The following GBE1 variants were observed in gnomAD, a reference collection of about 807,000 sequenced individuals.
GBE1 encodes the protein 1,4-alpha-glucan-branching enzyme.
A neutral mutation model predicts 88.8 loss-of-function variants in GBE1; 70 were observed. The observed-to-expected ratio is 0.79, with a 90% CI of 0.65 to 0.96. The LOEUF (loss-of-function observed/expected upper bound fraction) is 0.96. Among genes scored for constraint, GBE1 ranks in the 40% least tolerant of loss-of-function variants. The pLI is 0.00. For synonymous variants in GBE1, 284 were observed against 300.1 expected, an observed-to-expected ratio of 0.95 and a Z score of 0.56; for missense variants, 872 against 871.0, an observed-to-expected ratio of 1.00 and a Z score of -0.01.
intron 1 of GBE1, among the ~76,000 whole-genome samples, chr3:81,725,228 T>C (rs1296555514): frequency 3.3e-5 from 5 of 152,172 alleles, no homozygotes; most frequent in African/African-American, 9.7e-5. Context: ...CTTTTTAATT[T>C]TTTCTTAACT....
chr3:81,624,751 C>T (rs1281045675), intron 7 of GBE1, among the ~76,000 whole-genome samples: 1 of 152,056 alleles, frequency 6.6e-6, no homozygotes, highest in East Asian at 1.9e-4. Flanking sequence ...AACTTAAAAA[C>T]ACACACAATA....
At chr3:81,749,515 T>C (rs1450854568) in intron 1 of GBE1, among the ~76,000 whole-genome samples, 2 of 152,202 alleles carry the variant, frequency 1.3e-5, no homozygotes, top group Non-Finnish European at 2.9e-5. Flanking sequence ...TCCTTCGTAG[T>C]GATGTAACAG....
chr3:81,652,728 TTC>T (rs1238797201), intron 3 of GBE1, among the ~76,000 whole-genome samples: 2 of 152,358 alleles, frequency 1.3e-5, no homozygotes, highest in East Asian at 1.9e-4. Context: ...GCTTTTCACT[TTC>T]TGTTTCTAAA....
intron 1 of GBE1, among the ~76,000 whole-genome samples, chr3:81,753,171 T>C (rs1027056686): frequency 6.6e-6 from 1 of 152,196 alleles, no homozygotes; most frequent in South Asian, 2.1e-4. Flanking sequence ...AAACTCTACA[T>C]AATCATGTGT....
chr3:81,700,510 C>A (rs949106922), intron 2 of GBE1, among the ~76,000 whole-genome samples: 1 of 151,840 alleles, frequency 6.6e-6, no homozygotes, highest in Non-Finnish European at 1.5e-5. Flanking sequence ...ATAAAATGAC[C>A]CTGCCAAATT....
rs1007825274 is a variant in GBE1 at position 81,749,203 on chromosome 3, C to T, written c.143+12172G>A. ...AAAAACTGGGAACAATCCAAATGTCCTTCAACAGGTTAATAAACAAACTGG... is the reference window on the plus strand; with the variant it reads ...AAAAACTGGGAACAATCCAAATGTCTTTCAACAGGTTAATAAACAAACTGG... On this transcript the variant is annotated intron_variant, in intron 1 of 15. Transcript: ENST00000429644. 5.3e-5 allele frequency among the ~76,000 whole-genome samples: 8 copies of T among 151,964 alleles called. No homozygotes were observed. The South Asian group carries it at 1.5e-3, about 28-fold the overall frequency.
At chr3:81,722,868 G>A (rs968505400) in intron 1 of GBE1, among the ~76,000 whole-genome samples, 13 of 143,484 alleles carry the variant, frequency 9.1e-5, no homozygotes, top group African/African-American at 3.1e-4. Context: ...GTATGTGCAT[G>A]GGCACACACA....
rs1704206880 is a variant in GBE1 at position 81,613,321 on chromosome 3, T to C, written c.993-19298A>G. On this transcript the variant is annotated intron_variant, in intron 7 of 15. Transcript: ENST00000429644. ...TTTTTATCCCTTCCTGTCTGAACTA[T>C]ATGGAATCAACACCCCCAAGCTCTG... Among the ~76,000 whole-genome samples, 3 of 152,116 alleles carry C rather than the reference T, an allele frequency of 2.0e-5. No individual in the cohort carries two copies. In the South Asian group the frequency reaches 6.2e-4, roughly 32 times the overall value.
intron 12 of GBE1, among the ~76,000 whole-genome samples, chr3:81,548,177 T>C (rs1703232688): frequency 6.6e-6 from 1 of 151,556 alleles, no homozygotes; most frequent in African/African-American, 2.4e-5. Flanking sequence ...GGAATTTGGC[T>C]CAAAACAGGT....
At chr3:81,516,058 T>C (rs1702794875) in intron 14 of GBE1, among the ~76,000 whole-genome samples, 1 of 151,686 alleles carries the variant, frequency 6.6e-6, no homozygotes, top group African/African-American at 2.4e-5. Flanking sequence ...CCAGAAGATC[T>C]AGCTAGGATA....
intron 15 of GBE1, among the ~76,000 whole-genome samples, chr3:81,497,936 T>G (rs1021797079): frequency 3.9e-5 from 6 of 152,348 alleles, no homozygotes; most frequent in Middle Eastern, 6.8e-3. Context: ...ACAGTAATAA[T>G]TCCTTTAAGA....
At chr3:81,578,887 TAGAAA>T (rs1387558666) in intron 11 of GBE1, among the ~76,000 whole-genome samples, 2 of 152,234 alleles carry the variant, frequency 1.3e-5, no homozygotes, top group East Asian at 3.9e-4. Flanking sequence ...TTTCATTTTC[TAGAAA>T]AGAAATTTGT....
At position 81,536,880 on chromosome 3, in the gene GBE1, TAAA is replaced by T; in HGVS notation, c.1803+28_1803+30del. The T allele has an allele frequency of 2.6e-6, 4 of 1,538,866 alleles. No individual in the cohort carries two copies. The Admixed American group carries it at 8.8e-5, about 34-fold the overall frequency. ...TCTAGGCATGTACCTCATTGGTGAC[TAAA>T]ACACAGCATCCAGAGTGAAGAGCTT... On this transcript the variant is annotated intron_variant, in intron 13 of 15. Coordinates refer to ENST00000429644, the MANE Select transcript of GBE1 (RefSeq NM_000158.4).
At chr3:81,738,960 G>A (rs1332209567) in intron 1 of GBE1, among the ~76,000 whole-genome samples, 1 of 152,126 alleles carries the variant, frequency 6.6e-6, no homozygotes, top group Admixed American at 6.6e-5. Flanking sequence ...CAAGATCAAG[G>A]TGCCAGCAGG....
intron 1 of GBE1, among the ~76,000 whole-genome samples, chr3:81,754,946 C>T (rs1025384854): frequency 7.2e-5 from 11 of 152,042 alleles, no homozygotes; most frequent in African/African-American, 2.7e-4. Context: ...AAGACCTTAA[C>T]ATAGGCTATC....
intron 1 of GBE1, among the ~76,000 whole-genome samples, chr3:81,737,375 AT>A (rs1158498662): frequency 2.3e-4 from 8 of 35,004 alleles, no homozygotes; most frequent in Admixed American, 9.9e-4. Context: ...ATTTATATAT[AT>A]TTTTATATAT....
intron 5 of GBE1, among the ~76,000 whole-genome samples, chr3:81,647,990 C>G (rs1299189365): frequency 6.6e-6 from 1 of 151,884 alleles, no homozygotes; most frequent in East Asian, 1.9e-4. Context: ...AAGAATATCT[C>G]AAATATAATA....
chr3:81,650,462 A>G (rs1330279162), intron 3 of GBE1: 2 of 152,406 alleles, frequency 1.3e-5, no homozygotes, highest in African/African-American at 4.8e-5. Context: ...TATTTGTTGT[A>G]TTCTTTACCA....
chr3:81,707,775 C>T (rs1309601006), intron 1 of GBE1, among the ~76,000 whole-genome samples: 3 of 151,808 alleles, frequency 2.0e-5, no homozygotes, highest in Non-Finnish European at 4.4e-5. Flanking sequence ...ATACGAATTC[C>T]AATAATTTCT....
Sources: gnomAD v4.1 joint callset for allele counts (sites outside exome capture counted in the v4.1 genomes callset) on GRCh38, gnomAD v4.1.1 for gene constraint, MANE v1.5 for transcripts, NCBI Gene and HGNC (gene_info 2026-07-23, HGNC 2026-07-21) for gene names.